ABCG5: variants seen among roughly 807,000 people sequenced by gnomAD.
ABCG5 encodes the protein ATP binding cassette subfamily G member 5, also known as ATP-binding cassette sub-family G member 5.
Under a neutral mutation model 64.5 loss-of-function variants are expected in ABCG5, and 64 were observed. The observed-to-expected ratio is 0.99, with a 90% confidence interval of 0.81 to 1.22. The LOEUF (loss-of-function observed/expected upper bound fraction) is 1.22, where lower values mean the gene tolerates loss of function less well. ABCG5 is among the 50% of genes most tolerant of loss of function. The pLI is 0.00. For synonymous variants in ABCG5, 385 were observed against 326.3 expected (o/e 1.18, Z -1.94); for missense variants, 908 against 829.5 (o/e 1.09, Z -1.16).
chr2:43,823,030 G>C, intron 9 of ABCG5, 95 bp from the exon 10 acceptor site: 2 of 1,539,884 alleles, frequency 1.3e-6, no homozygotes, highest in Non-Finnish European at 1.8e-6. Flanking sequence ...GTCAGGGCTG[G>C]ATGGTGAGGA....
chr2:43,826,397 AC>A lies in ABCG5; in HGVS notation c.758del (p.Arg253LeufsTer14), dbSNP rs760816113. On this transcript the variant is annotated frameshift_variant, in exon 6 of 13. Coordinates refer to ENST00000405322, the MANE Select transcript of ABCG5 (RefSeq NM_022436.3). LOFTEE classifies it high-confidence loss of function. The part of the protein sequence containing the change: ...RIVVLTIHQP[R>X]SELFQLFDKI... ...AACCTCTTACCTGAAAAAGCTCAGA[AC>A]GGGGCTGGTGAATGGTGAGAACCAC... The A allele has an allele frequency of 6.2e-7, 1 of 1,613,940 alleles. No homozygotes were observed. Among genetic ancestry groups the A allele is most frequent in the Non-Finnish European group, 8.5e-7 (1 of 1,179,968 alleles).
chr2:43,818,842 T>A (rs1218284551), intron 11 of ABCG5, among the ~76,000 whole-genome samples: 1 of 152,220 alleles, frequency 6.6e-6, no homozygotes. Flanking sequence ...CTTCTCATGA[T>A]CCCTTGAGGC....
chr2:43,828,314 A>T, intron 4 of ABCG5, 199 bp from the exon 5 acceptor site: 1 of 702,794 alleles, frequency 1.4e-6, no homozygotes, highest in Non-Finnish European at 2.4e-6. Flanking sequence ...CATGTGTCAG[A>T]TTTAAATAAA....
intron 2 of ABCG5, among the ~76,000 whole-genome samples, chr2:43,835,148 G>A (rs1320824051): frequency 2.6e-5 from 4 of 152,150 alleles, no homozygotes; most frequent in Non-Finnish European, 2.9e-5. Flanking sequence ...TCCCAAAGCC[G>A]TAATTAGGCA....
At chr2:43,817,630 C>T (rs1666923387) in intron 11 of ABCG5, among the ~76,000 whole-genome samples, 1 of 152,088 alleles carries the variant, frequency 6.6e-6, no homozygotes, top group Non-Finnish European at 1.5e-5. Context: ...GCATTTAAGG[C>T]CAGACGCGGT....
chr2:43,813,263 A>T lies in ABCG5; in HGVS notation c.1809T>A (p.Thr603=). The change falls in exon 13 of 13, where the codon ACT becomes ACA. Residue 603 remains threonine (T), a synonymous_variant. Transcript: ENST00000405322. ...TTTTCTCAATGAATTGAATTCCTTG[A>T]GTGAAGGCACACATTGGATTAGTTG... ...SVTTNPMCAF[T]QGIQFIEKTC... The T allele has an allele frequency of 6.2e-7, 1 of 1,613,962 alleles. No individual in the cohort carries two copies. The highest frequency in any genetic ancestry group is 8.5e-7 in the Non-Finnish European group (1 of 1,179,928).
chr2:43,822,493 C>CTT (rs1667291333), intron 10 of ABCG5: 9 of 922,766 alleles, frequency 9.8e-6, no homozygotes, highest in Non-Finnish European at 9.0e-6. Flanking sequence ...CCCCCATGCA[C>CTT]CTGGGTCCTA....
rs1667491584 is a variant in ABCG5 at position 43,824,870 on chromosome 2, A to G, written c.904+19T>C. 1 of 1,612,866 alleles carries G rather than the reference A, an allele frequency of 6.2e-7. No homozygotes were observed. Among genetic ancestry groups the G allele is most frequent in the African/African-American group, 1.3e-5 (1 of 74,912 alleles). The stretch of plus-strand genomic sequence containing the variant: ...GTTTAAAAAACATTCATGATGGGGA[A>G]TGTGAAAGAAAAACTTACTATAGAA... On this transcript the variant is annotated intron_variant, in intron 7 of 12. Transcript: ENST00000405322.
intron 4 of ABCG5, chr2:43,828,582 A>G (rs1159194933): frequency 6.0e-6 from 2 of 334,112 alleles, no homozygotes; most frequent in East Asian, 1.8e-4. Context: ...GGATCGCTTG[A>G]TCCCAGGACG....
chr2:43,818,748 C>G (rs1033515557), intron 11 of ABCG5, among the ~76,000 whole-genome samples: 2 of 152,154 alleles, frequency 1.3e-5, no homozygotes, highest in African/African-American at 4.8e-5. Flanking sequence ...TTTATCAAAG[C>G]CTAATTCACT....
At chr2:43,830,335 A>G (rs1667886276) in intron 4 of ABCG5, among the ~76,000 whole-genome samples, 1 of 152,226 alleles carries the variant, frequency 6.6e-6, no homozygotes, top group South Asian at 2.1e-4. Context: ...CAAACCCAGG[A>G]GAAATGCATT....
chr2:43,823,073 G>A, intron 9 of ABCG5, 138 bp from the exon 10 acceptor site: 1 of 1,144,104 alleles, frequency 8.7e-7, no homozygotes, highest in Admixed American at 2.0e-5. Flanking sequence ...CATAGAAGGA[G>A]GGGACCTGCC....
chr2:43,836,507 T>C (rs1012798065), intron 2 of ABCG5, among the ~76,000 whole-genome samples: 1 of 152,190 alleles, frequency 6.6e-6, no homozygotes, highest in African/African-American at 2.4e-5. Flanking sequence ...AAAATGTAGA[T>C]GGTAATCCAG....
intron 2 of ABCG5, chr2:43,832,563 G>C (rs1668017221): frequency 5.6e-6 from 1 of 177,566 alleles, no homozygotes; most frequent in Non-Finnish European, 1.2e-5. Flanking sequence ...AGCAGCATCA[G>C]CAACCCCTGA....
chr2:43,822,718 G>A (rs908529257), intron 10 of ABCG5, 79 bp downstream of exon 10: 12 of 1,468,136 alleles, frequency 8.2e-6, no homozygotes, highest in African/African-American at 1.6e-5. Context: ...ACTTCACCCT[G>A]GAGCTCTCCC....
At chr2:43,816,222 G>A (rs1302830529) in intron 11 of ABCG5, among the ~76,000 whole-genome samples, 2 of 152,200 alleles carry the variant, frequency 1.3e-5, no homozygotes, top group Non-Finnish European at 2.9e-5. Flanking sequence ...AGGCCTAATT[G>A]GTCCAAGGCC....
At chr2:43,812,388 G>A (rs948931485), downstream of ABCG5, 4 of 145,386 alleles carry the variant, frequency 2.8e-5, no homozygotes, top group African/African-American at 1.0e-4. Context: ...TGCACAATGT[G>A]CCTATAAGTA....
rs1572739594 is a variant in ABCG5 at position 43,814,502 on chromosome 2, C to T, written c.1737G>A (p.Glu579=). The change falls in exon 12 of 13, where the codon GAG becomes GAA. Residue 579 remains glutamate, a synonymous_variant. Transcript: ENST00000405322. ...CACAAGTGAAATTCAGTCCGTAGAA[C>T]TCATTGACTACAAGAATCTCACTGC... ...KYCSEILVVN[E]FYGLNFTCGS... 6.2e-7 allele frequency: 1 copy of T among 1,607,436 alleles called. No homozygotes were observed. The highest frequency in any genetic ancestry group is 1.3e-5 in the African/African-American group (1 of 74,836).
chr2:43,826,552 G>GT (rs1558750916), intron 5 of ABCG5, 31 bp from the exon 6 acceptor site: 3 of 1,614,074 alleles, frequency 1.9e-6, no homozygotes, highest in Non-Finnish European at 2.5e-6. Flanking sequence ...GACTTCTAAG[G>GT]TAGTGCAGAG....
Sources: allele counts gnomAD v4.1 joint callset (sites outside exome capture counted in the v4.1 genomes callset), GRCh38; gene constraint gnomAD v4.1.1; transcripts MANE v1.5; gene names NCBI Gene and HGNC (gene_info 2026-07-23, HGNC 2026-07-21).